Variants in PRKCH observed in about 807,000 individuals in gnomAD.
PRKCH encodes protein kinase C eta.
Under a neutral mutation model 82.5 loss-of-function variants are expected in PRKCH, and 28 were observed. That is an observed-to-expected ratio of 0.34 (90% CI 0.25 to 0.47). The LOEUF (loss-of-function observed/expected upper bound fraction) is 0.47. PRKCH is among the 20% of genes least tolerant of loss of function. PRKCH has a pLI of 1.00. For synonymous variants in PRKCH, 322 were observed against 327.4 expected, an observed-to-expected ratio of 0.98 and a Z score of 0.18; for missense variants, 705 against 881.8, an observed-to-expected ratio of 0.80 and a Z score of 2.54.
At chr14:61,525,391 G>A (rs541491720) in intron 10 of PRKCH, among the ~76,000 whole-genome samples, 2 of 152,298 alleles carry the variant, frequency 1.3e-5, no homozygotes, top group Admixed American at 1.3e-4. Flanking sequence ...TTCTGAGAAT[G>A]CCTAAAATTA....
At chr14:61,337,191 T>G (rs1318257602) in intron 1 of PRKCH, among the ~76,000 whole-genome samples, 21 of 132,762 alleles carry the variant, frequency 1.6e-4, no homozygotes, top group Non-Finnish European at 3.1e-4. Context: ...TCCCCCAGGC[T>G]GGAATGTAGT....
chr14:61,323,311 G>T (rs1255139993), intron 1 of PRKCH, among the ~76,000 whole-genome samples: 1 of 152,074 alleles, frequency 6.6e-6, no homozygotes, highest in East Asian at 1.9e-4. Context: ...CTTCTAGAGC[G>T]CTCTACACGG....
intron 1 of PRKCH, among the ~76,000 whole-genome samples, chr14:61,343,896 G>A (rs2045959267): frequency 6.6e-6 from 1 of 152,210 alleles, no homozygotes; most frequent in African/African-American, 2.4e-5. Flanking sequence ...GATCCTGACA[G>A]TCAGTTCTTC....
chr14:61,499,011 T>C (rs1159150912), intron 10 of PRKCH, among the ~76,000 whole-genome samples: 1 of 152,164 alleles, frequency 6.6e-6, no homozygotes, highest in Admixed American at 6.5e-5. Context: ...GAACACACAG[T>C]AGACAGGCAC....
intron 10 of PRKCH, among the ~76,000 whole-genome samples, chr14:61,511,285 C>G (rs1887364769): frequency 6.6e-6 from 1 of 152,174 alleles, no homozygotes; most frequent in South Asian, 2.1e-4. Context: ...CAATGCCTGG[C>G]AGGTGACTGT....
At chr14:61,225,680 A>T (rs530265475) in intron 1 of PRKCH, among the ~76,000 whole-genome samples, 2 of 152,348 alleles carry the variant, frequency 1.3e-5, no homozygotes, top group Admixed American at 1.3e-4. Flanking sequence ...GTCAGTTTAT[A>T]AAAATAAGAG....
chr14:61,256,820 AATCT>A, intron 1 of PRKCH, among the ~76,000 whole-genome samples: 1 of 152,320 alleles, frequency 6.6e-6, no homozygotes, highest in South Asian at 2.1e-4. Context: ...TGATCTGCTA[AATCT>A]ATCTGCTTGC....
intron 1 of PRKCH, among the ~76,000 whole-genome samples, chr14:61,250,907 A>AT (rs990188393): frequency 3.3e-5 from 5 of 152,134 alleles, no homozygotes; most frequent in African/African-American, 1.2e-4. Flanking sequence ...GCCATTTTTT[A>AT]AAAAAAGGTC....
chr14:61,442,080 T>A (rs1000506542), intron 2 of PRKCH, among the ~76,000 whole-genome samples: 1 of 152,238 alleles, frequency 6.6e-6, no homozygotes, highest in African/African-American at 2.4e-5. Flanking sequence ...GGGTTTAAAA[T>A]TTTTTAGCAA....
chr14:61,243,383 C>CAAAAA (rs10555022), intron 1 of PRKCH, among the ~76,000 whole-genome samples: 18 of 103,256 alleles, frequency 1.7e-4, no homozygotes, highest in Middle Eastern at 4.2e-3. Context: ...GACTCTGTCT[C>CAAAAA]AAAAAAAAAA....
At chr14:61,487,612 A>G (rs1886282258) in intron 10 of PRKCH, among the ~76,000 whole-genome samples, 1 of 152,254 alleles carries the variant, frequency 6.6e-6, no homozygotes, top group South Asian at 2.1e-4. Context: ...TTCCACATGT[A>G]GTTTTAAAAA....
At chr14:61,237,871 T>G (rs893970142) in intron 1 of PRKCH, among the ~76,000 whole-genome samples, 5 of 152,232 alleles carry the variant, frequency 3.3e-5, no homozygotes, top group African/African-American at 1.2e-4. Flanking sequence ...GTCCTTAACC[T>G]TGGCAAAATA....
chr14:61,383,658 C>T (rs903807958), intron 1 of PRKCH, among the ~76,000 whole-genome samples: 1 of 151,648 alleles, frequency 6.6e-6, no homozygotes, highest in African/African-American at 2.4e-5. Context: ...TGCAGTTGTC[C>T]CGACCCTGGG....
chr14:61,290,861 G>A lies in PRKCH; in HGVS notation c.-19+103193G>A, dbSNP rs545243611. On this transcript the variant is annotated intron_variant, in intron 1 of 3. Coordinates refer to the PRKCH transcript ENST00000555185. ...TAAGTTCCTGGCACACACAGCATCC[G>A]TGTTGCCAGTTAAATACAGAGCCAT... Among the ~76,000 whole-genome samples the A allele has an allele frequency of 1.6e-4, 24 of 152,276 alleles. No individual in the cohort carries two copies. The South Asian group carries it at 3.9e-3, about 25-fold the overall frequency.
intron 1 of PRKCH, among the ~76,000 whole-genome samples, chr14:61,377,906 A>G (rs779899801): frequency 9.2e-5 from 14 of 152,206 alleles, no homozygotes; most frequent in Non-Finnish European, 1.9e-4. Flanking sequence ...ATCATTTTAC[A>G]TAATCAAAAA....
At chr14:61,210,114 AT>A (rs2044559861) in intron 1 of PRKCH, among the ~76,000 whole-genome samples, 25 of 7,890 alleles carry the variant, frequency 3.2e-3, no homozygotes, top group African/African-American at 0.013. Context: ...ACAAACAAAT[AT>A]ATATATATAT....
chr14:61,273,079 AC>A (rs1458957511), intron 1 of PRKCH, among the ~76,000 whole-genome samples: 1 of 152,238 alleles, frequency 6.6e-6, no homozygotes, highest in African/African-American at 2.4e-5. Context: ...TTTTACATGT[AC>A]ATTTTTCCTG....
intron 1 of PRKCH, among the ~76,000 whole-genome samples, chr14:61,257,630 C>CA (rs1491391573): frequency 0.1 from 2,030 of 19,352 alleles, 82 homozygotes; most frequent in African/African-American, 0.29. Flanking sequence ...CACACACACA[C>CA]CCCCACACAC....
In PRKCH at chr14:61,549,567, C is replaced by A. The variant is rs368131893; in HGVS notation, c.1906-118C>A. 2.1e-4 allele frequency: 224 copies of A among 1,084,486 alleles called. No individual in the cohort carries two copies. The African/African-American group carries it at 3.1e-3, about 15-fold the overall frequency. The allele number at this position is 1,084,486 out of a possible 1,614,324, so 67.2% of individuals were successfully genotyped here. A position where few individuals can be genotyped will look rare whatever the true frequency, so the allele number is the denominator to read the frequency against. ...ATCATAACAATAACTGTAAATAATG[C>A]TACTGAACAAGCTACAGAGCACTCC... On this transcript the variant is annotated intron_variant, in intron 13 of 13. Transcript: ENST00000332981.
Sources: gnomAD v4.1 joint callset for allele counts (sites outside exome capture counted in the v4.1 genomes callset) on GRCh38, gnomAD v4.1.1 for gene constraint, MANE v1.5 for transcripts, NCBI Gene and HGNC (gene_info 2026-07-23, HGNC 2026-07-21) for gene names.